HS6ST3: variants seen among roughly 807,000 people sequenced by gnomAD.
HS6ST3 encodes heparan sulfate 6-O-sulfotransferase 3, also known as heparan-sulfate 6-O-sulfotransferase 3.
A neutral mutation model predicts 36.7 loss-of-function variants in HS6ST3; 12 were observed. The observed-to-expected ratio is 0.33, with a 90% CI of 0.21 to 0.53. The LOEUF is 0.53. Ranked by LOEUF, HS6ST3 falls within the 20% of genes least tolerant of loss-of-function variation. HS6ST3 has a pLI of 0.95. For synonymous variants in HS6ST3, 240 were observed against 257.5 expected (o/e 0.93, Z 0.65); for missense variants, 584 against 640.9 (o/e 0.91, Z 0.96).
intron 1 of HS6ST3, among the ~76,000 whole-genome samples, chr13:96,278,552 C>A (rs2054759705): frequency 6.6e-6 from 1 of 152,024 alleles, no homozygotes; most frequent in Admixed American, 6.6e-5. Context: ...AGAAAAAATC[C>A]AAAATTAGAA....
At chr13:96,684,307 C>A (rs534152736) in intron 1 of HS6ST3, among the ~76,000 whole-genome samples, 4 of 152,092 alleles carry the variant, frequency 2.6e-5, no homozygotes, top group African/African-American at 4.8e-5. Flanking sequence ...AACTATATTT[C>A]TGCATCTAGA....
chr13:96,694,640 C>A (rs637654), intron 1 of HS6ST3, among the ~76,000 whole-genome samples: 2,276 of 152,232 alleles, frequency 0.015, 55 homozygotes, highest in African/African-American at 0.051. Context: ...TGGTTGAACT[C>A]ATTTACACTC....
At chr13:96,552,467 C>G (rs2056222968) in intron 1 of HS6ST3, among the ~76,000 whole-genome samples, 2 of 152,158 alleles carry the variant, frequency 1.3e-5, no homozygotes, top group Admixed American at 1.3e-4. Flanking sequence ...AGAGCCAGGT[C>G]AGCTAGAGTG....
intron 1 of HS6ST3, among the ~76,000 whole-genome samples, chr13:96,254,415 GAAAAAAAAAAAAAAAAAA>G (rs1174704709): frequency 3.2e-3 from 68 of 21,490 alleles, no homozygotes; most frequent in African/African-American, 7.0e-3. Context: ...CTCTGTCTCA[GAAAAAAAAAAAAAAAAAA>G]AAAAAAAAAA....
At chr13:96,822,617 C>T (rs142843289) in intron 1 of HS6ST3, among the ~76,000 whole-genome samples, 38 of 152,306 alleles carry the variant, frequency 2.5e-4, no homozygotes, top group Middle Eastern at 3.4e-3. Context: ...ACCATCTCTC[C>T]CTCTAGGGAA....
At chr13:96,254,832 C>T (rs2054629274) in intron 1 of HS6ST3, among the ~76,000 whole-genome samples, 1 of 152,012 alleles carries the variant, frequency 6.6e-6, no homozygotes, top group African/African-American at 2.4e-5. Flanking sequence ...GAAGTAACTT[C>T]AAGTTGTTCC....
At chr13:96,683,439 G>A (rs1017311524) in intron 1 of HS6ST3, among the ~76,000 whole-genome samples, 2 of 151,932 alleles carry the variant, frequency 1.3e-5, no homozygotes, top group African/African-American at 2.4e-5. Context: ...TCTTTTTATC[G>A]TATGTTTAAG....
chr13:96,225,538 T>C (rs904446894), intron 1 of HS6ST3, among the ~76,000 whole-genome samples: 1 of 152,224 alleles, frequency 6.6e-6, no homozygotes, highest in Admixed American at 6.5e-5. Flanking sequence ...CTTTATTTTA[T>C]TGATGGAGGA....
intron 1 of HS6ST3, among the ~76,000 whole-genome samples, chr13:96,219,482 A>T (rs757427041): frequency 3.9e-5 from 6 of 152,124 alleles, no homozygotes; most frequent in Non-Finnish European, 7.3e-5. Flanking sequence ...CTTGTTAAGG[A>T]ATTTTAGAGG....
Position 96,547,810 on chromosome 13 carries a change from T to C in HS6ST3, c.708-284680T>C, listed in dbSNP as rs1272654563. Among the ~76,000 whole-genome samples the C allele has an allele frequency of 8.5e-5, 13 of 152,170 alleles. 1 individual carries two copies. The highest frequency in any genetic ancestry group is 2.9e-4 in the African/African-American group (12 of 41,436). On this transcript the variant is annotated intron_variant, in intron 1 of 1. Coordinates refer to ENST00000376705, the MANE Select transcript of HS6ST3 (RefSeq NM_153456.4). The stretch of plus-strand genomic sequence containing the variant: ...TTCCAGTTTTAGTGCTTAGCATTGC[T>C]TGGTCTGTAGTTTGTTCTTGGCTTA...
intron 1 of HS6ST3, among the ~76,000 whole-genome samples, chr13:96,575,922 A>G (rs1373787253): frequency 1.3e-5 from 2 of 152,122 alleles, no homozygotes; most frequent in Non-Finnish European, 2.9e-5. Context: ...CTGGTTTTCA[A>G]CAACATCTCA....
intron 1 of HS6ST3, among the ~76,000 whole-genome samples, chr13:96,363,752 A>G (rs2055250521): frequency 6.6e-6 from 1 of 152,212 alleles, no homozygotes; most frequent in East Asian, 1.9e-4. Context: ...ATCAGGTTAT[A>G]GATGAGAGAA....
intron 1 of HS6ST3, among the ~76,000 whole-genome samples, chr13:96,650,727 T>A (rs915721236): frequency 6.6e-6 from 1 of 152,036 alleles, no homozygotes; most frequent in Non-Finnish European, 1.5e-5. Context: ...GAGTGTGAAG[T>A]TCACACAATG....
At chr13:96,655,462 T>C (rs1325954789) in intron 1 of HS6ST3, among the ~76,000 whole-genome samples, 2 of 152,138 alleles carry the variant, frequency 1.3e-5, no homozygotes, top group Non-Finnish European at 2.9e-5. Flanking sequence ...AATGGAGTTG[T>C]CAAATGGAGG....
At chr13:96,766,548 ATTGT>A (rs1349888182) in intron 1 of HS6ST3, among the ~76,000 whole-genome samples, 1 of 152,168 alleles carries the variant, frequency 6.6e-6, no homozygotes, top group African/African-American at 2.4e-5. Flanking sequence ...ATTGCAGCTA[ATTGT>A]TTGTGGGACT....
chr13:96,599,610 A>AT (rs200639750), intron 1 of HS6ST3, among the ~76,000 whole-genome samples: 2,541 of 147,974 alleles, frequency 0.017, 52 homozygotes, highest in African/African-American at 0.046. Context: ...GGTCCTTTGT[A>AT]TTTTTTTTGT....
Position 96,834,685 on chromosome 13 carries a change from A to G in HS6ST3, c.*1487A>G, listed in dbSNP as rs888666096. The G allele has an allele frequency of 2.6e-5, 4 of 152,618 alleles. No individual in the cohort carries two copies. Among genetic ancestry groups the G allele is most frequent in the Admixed American group, 6.5e-5 (1 of 15,286 alleles). The allele number at this position is 152,618 out of a possible 1,614,324, so 9.5% of individuals were successfully genotyped here. On this transcript the variant is annotated 3_prime_UTR_variant, in exon 2 of 2. Coordinates refer to ENST00000376705, the MANE Select transcript of HS6ST3 (RefSeq NM_153456.4). ...GAAGGCAAAATGTGTAAAACCCCTA[A>G]ATCAGATTGAAAAGCCTATTTCATT...
chr13:96,279,841 G>T (rs1393674947), intron 1 of HS6ST3, among the ~76,000 whole-genome samples: 1 of 152,042 alleles, frequency 6.6e-6, no homozygotes, highest in African/African-American at 2.4e-5. Context: ...CCTATAGTTT[G>T]GTGTTCAGAG....
chr13:96,476,044 C>T (rs979718085), intron 1 of HS6ST3, among the ~76,000 whole-genome samples: 10 of 152,156 alleles, frequency 6.6e-5, no homozygotes, highest in Non-Finnish European at 1.3e-4. Flanking sequence ...GTAAATTTTT[C>T]CTTGAAGAGA....
Sources: allele counts gnomAD v4.1 joint callset (sites outside exome capture counted in the v4.1 genomes callset), GRCh38; gene constraint gnomAD v4.1.1; transcripts MANE v1.5; gene names NCBI Gene and HGNC (gene_info 2026-07-23, HGNC 2026-07-21).